Variants in LRRIQ3 observed in about 807,000 individuals in gnomAD.
The protein encoded by LRRIQ3 is leucine-rich repeat and IQ domain-containing protein 3.
In LRRIQ3, 75 loss-of-function variants were observed where a neutral mutation model predicts 59.3. The ratio of observed to expected loss-of-function variants is 1.26; its 90% CI spans 1.05 to 1.53. The LOEUF (loss-of-function observed/expected upper bound fraction) is 1.53, where lower values mean the gene tolerates loss of function less well. LRRIQ3 is among the 40% of genes most tolerant of loss of function. LRRIQ3 has a pLI of 0.00. For synonymous variants in LRRIQ3, 250 were observed against 231.3 expected, an observed-to-expected ratio of 1.08 and a Z score of -0.73; for missense variants, 831 against 710.0, an observed-to-expected ratio of 1.17 and a Z score of -1.94.
At chr1:74,110,859 GTGGAGTAGCCCTGCTCCATAAA>G (rs1219549445) in intron 4 of LRRIQ3, among the ~76,000 whole-genome samples, 4 of 151,998 alleles carry the variant, frequency 2.6e-5, no homozygotes, top group Admixed American at 6.6e-5. Context: ...GTCTAGGCTA[GTGGAGTAGCCCTGCTCCATAAA>G]GTCATTCGAT....
chr1:74,130,909 CA>C (rs1336928619), intron 4 of LRRIQ3, among the ~76,000 whole-genome samples: 1 of 151,886 alleles, frequency 6.6e-6, no homozygotes, highest in Non-Finnish European at 1.5e-5. Flanking sequence ...GATAAAGACA[CA>C]AAAAACCCTT....
At chr1:74,065,844 G>A (rs1294754428) in intron 6 of LRRIQ3, among the ~76,000 whole-genome samples, 2 of 152,052 alleles carry the variant, frequency 1.3e-5, no homozygotes, top group African/African-American at 4.8e-5. Context: ...CTAAGTTCAG[G>A]TTAACGTTGA....
intron 4 of LRRIQ3, among the ~76,000 whole-genome samples, chr1:74,111,297 A>AAATT (rs1194685747): frequency 6.6e-6 from 1 of 152,092 alleles, no homozygotes; most frequent in East Asian, 1.9e-4. Context: ...TATAATAAGT[A>AAATT]AATTGCTTTT....
At chr1:74,094,749 A>T (rs1414435574) in intron 5 of LRRIQ3, among the ~76,000 whole-genome samples, 1 of 152,074 alleles carries the variant, frequency 6.6e-6, no homozygotes, top group African/African-American at 2.4e-5. Flanking sequence ...GATATGATAG[A>T]TATTAGAGGG....
chr1:74,094,956 G>A (rs924564381), intron 5 of LRRIQ3: 1 of 152,084 alleles, frequency 6.6e-6, no homozygotes. Context: ...TGTTTTAGCT[G>A]GGCATTTGGA....
At chr1:74,143,147 T>G (rs1469314308) in intron 4 of LRRIQ3, among the ~76,000 whole-genome samples, 1 of 151,982 alleles carries the variant, frequency 6.6e-6, no homozygotes, top group Non-Finnish European at 1.5e-5. Context: ...TCAAATAAAA[T>G]AAAGAAACAA....
At chr1:74,072,570 A>T (rs1170074036) in intron 6 of LRRIQ3, among the ~76,000 whole-genome samples, 5 of 152,008 alleles carry the variant, frequency 3.3e-5, no homozygotes, top group Non-Finnish European at 7.4e-5. Flanking sequence ...GGGCTTGTGA[A>T]CAAAGAAGAA....
intron 5 of LRRIQ3, among the ~76,000 whole-genome samples, chr1:74,096,955 C>T (rs981002428): frequency 1.3e-5 from 2 of 152,122 alleles, no homozygotes; most frequent in East Asian, 1.9e-4. Context: ...TCAGTCTCCC[C>T]CTACTGGGGG....
intron 5 of LRRIQ3, among the ~76,000 whole-genome samples, chr1:74,098,993 A>G (rs574986682): frequency 6.6e-6 from 1 of 152,340 alleles, no homozygotes; most frequent in East Asian, 1.9e-4. Context: ...CAATGAAAAG[A>G]ACTAGAGAAG....
intron 5 of LRRIQ3, among the ~76,000 whole-genome samples, chr1:74,108,310 T>C (rs1646641735): frequency 6.6e-6 from 1 of 151,802 alleles, no homozygotes; most frequent in Non-Finnish European, 1.5e-5. Context: ...GGTCAAAACA[T>C]AATTTAGATG....
intron 5 of LRRIQ3, among the ~76,000 whole-genome samples, chr1:74,104,334 T>TG (rs1351784284): frequency 2.0e-5 from 3 of 152,046 alleles, no homozygotes; most frequent in Non-Finnish European, 4.4e-5. Flanking sequence ...TTGTATTCCT[T>TG]GGTATTTACC....
At chr1:74,181,877 C>T (rs1466925724) in intron 3 of LRRIQ3, 5 of 151,724 alleles carry the variant, frequency 3.3e-5, no homozygotes, top group South Asian at 2.1e-4. Context: ...TTTCTACACA[C>T]ATATATGTGA....
intron 6 of LRRIQ3, 75 bp downstream of exon 6, chr1:74,074,586 C>T (rs1347788616): frequency 3.0e-6 from 2 of 662,896 alleles, no homozygotes; most frequent in Non-Finnish European, 2.2e-6. Flanking sequence ...ATCAACATGC[C>T]CAATTTCTAA....
chr1:74,165,621 G>T (rs371826147), intron 3 of LRRIQ3, among the ~76,000 whole-genome samples: 3 of 151,382 alleles, frequency 2.0e-5, no homozygotes, highest in African/African-American at 7.3e-5. Context: ...GCACTATGTT[G>T]AAAAGAGAAG....
intron 5 of LRRIQ3, among the ~76,000 whole-genome samples, chr1:74,080,562 T>G (rs961876465): frequency 6.6e-6 from 1 of 151,688 alleles, no homozygotes; most frequent in African/African-American, 2.4e-5. Context: ...AAATTCAAGG[T>G]GCATTTTCAA....
chr1:74,196,388 C>G (rs1332541171), intron 1 of LRRIQ3, among the ~76,000 whole-genome samples: 1 of 152,142 alleles, frequency 6.6e-6, no homozygotes, highest in Non-Finnish European at 1.5e-5. Flanking sequence ...CCCTTGGGAC[C>G]TCACTTAGTT....
intron 4 of LRRIQ3, among the ~76,000 whole-genome samples, chr1:74,150,398 T>G (rs1229949230): frequency 6.6e-6 from 1 of 152,162 alleles, no homozygotes; most frequent in Non-Finnish European, 1.5e-5. Context: ...TATTTCTTCT[T>G]TTTTTAATTA....
intron 5 of LRRIQ3, chr1:74,109,096 A>G (rs914394361): frequency 1.5e-5 from 3 of 194,130 alleles, no homozygotes; most frequent in Non-Finnish European, 3.1e-5. Context: ...TATGTTTTCA[A>G]TCACTGAGAA....
At chr1:74,060,027 T>C (rs1002024982) in intron 6 of LRRIQ3, among the ~76,000 whole-genome samples, 1 of 152,158 alleles carries the variant, frequency 6.6e-6, no homozygotes, top group African/African-American at 2.4e-5. Context: ...TCTAGGAAAG[T>C]GTTCATTTCA....
Sources: gnomAD v4.1 joint callset for allele counts (sites outside exome capture counted in the v4.1 genomes callset) on GRCh38, gnomAD v4.1.1 for gene constraint, MANE v1.5 for transcripts, NCBI Gene and HGNC (gene_info 2026-07-23, HGNC 2026-07-21) for gene names.